Variants in TBX15 observed in about 807,000 individuals in gnomAD.
TBX15 encodes T-box transcription factor TBX15.
A neutral mutation model predicts 53.9 loss-of-function variants in TBX15; 18 were observed. That is an observed-to-expected ratio of 0.33 (90% confidence interval 0.23 to 0.49). TBX15 has a LOEUF of 0.49. TBX15 is among the 20% of genes least tolerant of loss of function. TBX15 has a pLI of 0.98. For synonymous variants in TBX15, 295 were observed against 278.0 expected, an observed-to-expected ratio of 1.06 and a Z score of -0.61; for missense variants, 692 against 749.5, an observed-to-expected ratio of 0.92 and a Z score of 0.90.
At chr1:118,915,812 A>G (rs909943106) in intron 5 of TBX15, among the ~76,000 whole-genome samples, 1 of 152,216 alleles carries the variant, frequency 6.6e-6, no homozygotes, top group African/African-American at 2.4e-5. Context: ...TGACTGTGAT[A>G]CCATGTTTTG....
At chr1:118,917,307 C>T (rs1008684582) in intron 5 of TBX15, among the ~76,000 whole-genome samples, 4 of 152,136 alleles carry the variant, frequency 2.6e-5, no homozygotes, top group South Asian at 2.1e-4. Flanking sequence ...CCTAAGCAAA[C>T]GAACGCAGGA....
intron 6 of TBX15, among the ~76,000 whole-genome samples, chr1:118,903,735 A>C (rs565644980): frequency 1.3e-5 from 2 of 152,206 alleles, no homozygotes; most frequent in Admixed American, 1.3e-4. Context: ...TACTTATAAT[A>C]CTAAGTTCAG....
At chr1:118,909,608 A>C (rs1051183755) in intron 6 of TBX15, among the ~76,000 whole-genome samples, 2 of 152,106 alleles carry the variant, frequency 1.3e-5, no homozygotes, top group Admixed American at 6.5e-5. Context: ...TTTGAGACGG[A>C]GTCTCGCTCC....
At chr1:118,914,545 C>T (rs1211262662) in intron 5 of TBX15, among the ~76,000 whole-genome samples, 2 of 152,104 alleles carry the variant, frequency 1.3e-5, no homozygotes, top group Non-Finnish European at 2.9e-5. Flanking sequence ...TTAAAAAATG[C>T]TTGTTGAATG....
intron 2 of TBX15, among the ~76,000 whole-genome samples, chr1:118,928,982 T>C (rs1298930819): frequency 6.6e-6 from 1 of 152,270 alleles, no homozygotes; most frequent in Non-Finnish European, 1.5e-5. Context: ...GCCTTTTTTT[T>C]CTTTTTGTCA....
At chr1:118,887,000 G>A (rs1653966540) in intron 7 of TBX15, among the ~76,000 whole-genome samples, 1 of 152,168 alleles carries the variant, frequency 6.6e-6, no homozygotes, top group African/African-American at 2.4e-5. Flanking sequence ...AATTTAAGAA[G>A]GCCAAAAATG....
intron 1 of TBX15, among the ~76,000 whole-genome samples, chr1:118,946,177 A>G (rs887626952): frequency 3.3e-5 from 5 of 152,210 alleles, no homozygotes; most frequent in African/African-American, 1.2e-4. Context: ...TTTCATAGAT[A>G]TCAGAATATT....
chr1:118,972,371 G>T (rs1257134040), intron 1 of TBX15, among the ~76,000 whole-genome samples: 1 of 152,108 alleles, frequency 6.6e-6, no homozygotes, highest in African/African-American at 2.4e-5. Context: ...GTCATATTTG[G>T]TGCTCAAGAT....
At chr1:118,955,217 A>G (rs533199723) in intron 1 of TBX15, among the ~76,000 whole-genome samples, 2 of 151,576 alleles carry the variant, frequency 1.3e-5, no homozygotes, top group African/African-American at 2.4e-5. Flanking sequence ...TTAAAATGCC[A>G]TCTGCCCTTT....
chr1:118,948,515 TA>T (rs1656412272), intron 1 of TBX15, among the ~76,000 whole-genome samples: 1 of 152,194 alleles, frequency 6.6e-6, no homozygotes, highest in Non-Finnish European at 1.5e-5. Flanking sequence ...AGGTTTTACA[TA>T]AAGTTGCTCA....
chr1:118,967,220 G>A (rs1048570338), intron 1 of TBX15, among the ~76,000 whole-genome samples: 5 of 152,128 alleles, frequency 3.3e-5, no homozygotes, highest in Non-Finnish European at 7.4e-5. Flanking sequence ...GGTTGACCTC[G>A]AGACACCTAC....
intron 1 of TBX15, among the ~76,000 whole-genome samples, chr1:118,983,687 C>A (rs185911176): frequency 6.6e-6 from 1 of 152,224 alleles, no homozygotes; most frequent in Non-Finnish European, 1.5e-5. Context: ...GAGCCAGGCA[C>A]CTCCAGGCCA....
At chr1:118,959,832 A>T (rs1656806325) in intron 1 of TBX15, among the ~76,000 whole-genome samples, 1 of 152,168 alleles carries the variant, frequency 6.6e-6, no homozygotes, top group Non-Finnish European at 1.5e-5. Context: ...TTACAACCAG[A>T]GTTAGGAGCC....
chr1:118,927,514 G>C (rs1013118378), intron 2 of TBX15, among the ~76,000 whole-genome samples: 1 of 152,160 alleles, frequency 6.6e-6, no homozygotes, highest in African/African-American at 2.4e-5. Flanking sequence ...ATTTTTTAGT[G>C]CATAAAACTG....
intron 1 of TBX15, among the ~76,000 whole-genome samples, chr1:118,976,831 T>C (rs1456450523): frequency 6.6e-6 from 1 of 152,176 alleles, no homozygotes; most frequent in East Asian, 1.9e-4. Flanking sequence ...GGATTCCACT[T>C]CAAGTCCCAC....
At chr1:118,957,955 ATGCACACG>A (rs1656748885) in intron 1 of TBX15, among the ~76,000 whole-genome samples, 1 of 152,246 alleles carries the variant, frequency 6.6e-6, no homozygotes, top group Non-Finnish European at 1.5e-5. Flanking sequence ...ATAAAGACAC[ATGCACACG>A]TATGTTTATT....
At position 118,912,996 on chromosome 1, in the gene TBX15, A is replaced by T. The variant is rs1655070117; in HGVS notation, c.926+1119T>A. ...AATACCATTTTATTCAAATCTAAATATATTTTAAATATACATAAGTTTAGT... is the reference window on the plus strand; with the variant it reads ...AATACCATTTTATTCAAATCTAAATTTATTTTAAATATACATAAGTTTAGT... On this transcript the variant is annotated intron_variant, in intron 6 of 7. Transcript: ENST00000369429. Among the ~76,000 whole-genome samples, 5 of 148,102 alleles carry T rather than the reference A, an allele frequency of 3.4e-5. No individual in the cohort carries two copies. In the South Asian group the frequency reaches 1.0e-3, roughly 31 times the overall value.
intron 7 of TBX15, among the ~76,000 whole-genome samples, chr1:118,889,108 C>T (rs975560201): frequency 2.0e-5 from 3 of 152,164 alleles, no homozygotes. Flanking sequence ...TTGAAGGAGG[C>T]AGGGGCAAGG....
intron 1 of TBX15, among the ~76,000 whole-genome samples, chr1:118,977,534 G>A (rs1175877477): frequency 2.0e-5 from 3 of 152,012 alleles, no homozygotes; most frequent in East Asian, 1.9e-4. Flanking sequence ...TAAATCCACA[G>A]GTTCCATGAT....
Sources: gnomAD v4.1 joint callset for allele counts (sites outside exome capture counted in the v4.1 genomes callset) on GRCh38, gnomAD v4.1.1 for gene constraint, MANE v1.5 for transcripts, NCBI Gene and HGNC (gene_info 2026-07-23, HGNC 2026-07-21) for gene names.